Variants in IKZF3 observed in about 807,000 individuals in gnomAD.
IKZF3 encodes IKAROS family zinc finger 3, also known as zinc finger protein Aiolos.
A neutral mutation model predicts 49.0 loss-of-function variants in IKZF3; 10 were observed. The ratio of observed to expected loss-of-function variants is 0.20; its 90% CI spans 0.13 to 0.35. The LOEUF (loss-of-function observed/expected upper bound fraction) is 0.35. Ranked by LOEUF, IKZF3 falls within the 10% of genes least tolerant of loss-of-function variation. IKZF3 has a pLI of 1.00. For synonymous variants in IKZF3, 209 were observed against 228.2 expected, an observed-to-expected ratio of 0.92 and a Z score of 0.76; for missense variants, 498 against 664.8, an observed-to-expected ratio of 0.75 and a Z score of 2.76.
intron 1 of IKZF3, among the ~76,000 whole-genome samples, chr17:39,837,266 G>A (rs2062317676): frequency 6.6e-6 from 1 of 151,926 alleles, no homozygotes; most frequent in South Asian, 2.1e-4. Flanking sequence ...AAAGATTTGA[G>A]TTCTGATCTG....
intron 5 of IKZF3, among the ~76,000 whole-genome samples, chr17:39,788,807 C>G (rs1421307370): frequency 6.6e-6 from 1 of 152,184 alleles, no homozygotes; most frequent in Non-Finnish European, 1.5e-5. Context: ...TGGGAGTTAG[C>G]CATTCGGCTA....
At chr17:39,836,654 C>A (rs969225713) in intron 1 of IKZF3, among the ~76,000 whole-genome samples, 1 of 152,102 alleles carries the variant, frequency 6.6e-6, no homozygotes, top group African/African-American at 2.4e-5. Context: ...TTGTCTATTT[C>A]TCTCTGTTCT....
intron 3 of IKZF3, among the ~76,000 whole-genome samples, chr17:39,820,564 A>G (rs1403384126): frequency 6.6e-6 from 1 of 152,200 alleles, no homozygotes; most frequent in Non-Finnish European, 1.5e-5. Context: ...CAAGCACAGA[A>G]CTTCTAAGCC....
intron 1 of IKZF3, among the ~76,000 whole-genome samples, chr17:39,861,309 G>T (rs571924369): frequency 2.0e-5 from 3 of 152,300 alleles, no homozygotes; most frequent in South Asian, 4.1e-4. Flanking sequence ...CTGGGTAGGG[G>T]TGATCACCAG....
intron 1 of IKZF3, among the ~76,000 whole-genome samples, chr17:39,845,421 G>A (rs540471595): frequency 3.9e-5 from 6 of 151,944 alleles, no homozygotes; most frequent in African/African-American, 1.2e-4. Context: ...CTACTCAGGA[G>A]GGGGAGGCAG....
At chr17:39,854,251 C>T (rs974605664) in intron 1 of IKZF3, among the ~76,000 whole-genome samples, 4 of 151,262 alleles carry the variant, frequency 2.6e-5, no homozygotes, top group East Asian at 1.9e-4. Context: ...GGTAGATAGA[C>T]GTATTTGTAG....
chr17:39,815,383 A>G (rs112412105), intron 3 of IKZF3, among the ~76,000 whole-genome samples: 3,640 of 152,336 alleles, frequency 0.024, 62 homozygotes, highest in Non-Finnish European at 0.037. Context: ...ACATTCCACC[A>G]TCTCGAGTCT....
At chr17:39,823,854 C>T (rs968823820) in intron 3 of IKZF3, among the ~76,000 whole-genome samples, 15 of 152,216 alleles carry the variant, frequency 9.9e-5, no homozygotes, top group South Asian at 4.1e-4. Context: ...GACAGAAGTT[C>T]GCTACAGGGG....
intron 3 of IKZF3, among the ~76,000 whole-genome samples, chr17:39,823,819 G>A (rs993749420): frequency 2.0e-5 from 3 of 152,338 alleles, no homozygotes; most frequent in African/African-American, 7.2e-5. Context: ...GATTTCAGAG[G>A]ATGTATGAAA....
intron 3 of IKZF3, among the ~76,000 whole-genome samples, chr17:39,803,028 C>G (rs922257772): frequency 6.4e-4 from 98 of 152,188 alleles, no homozygotes; most frequent in African/African-American, 2.1e-3. Context: ...AATTTCAGTG[C>G]AATTCTTTGC....
rs187084990 is a variant in IKZF3, at chr17:39,760,197, T to G, written c.*5593A>C. Reference sequence around the variant, plus strand: ...TTTGAGATGGAGTCTCACTCTGTTGTCCAGGCTGGATTGCAATGGCGCGAT... The same window carrying G: ...TTTGAGATGGAGTCTCACTCTGTTGGCCAGGCTGGATTGCAATGGCGCGAT... On this transcript the variant is annotated 3_prime_UTR_variant, in exon 8 of 8. Coordinates refer to ENST00000346872, the MANE Select transcript of IKZF3 (RefSeq NM_012481.5). 6.7e-6 allele frequency: 1 copy of G among 150,212 alleles called. No homozygotes were observed. Among genetic ancestry groups the G allele is most frequent in the African/African-American group, 2.5e-5 (1 of 40,788 alleles). 9.3% of individuals were successfully genotyped at this position (150,212 alleles called of 1,614,324 possible).
chr17:39,779,652 T>G (rs1409499316), intron 6 of IKZF3, among the ~76,000 whole-genome samples: 22 of 144,776 alleles, frequency 1.5e-4, no homozygotes, highest in African/African-American at 4.4e-4. Flanking sequence ...CTTTGTTTTT[T>G]GTTTTTTTTT....
At position 39,864,217 on chromosome 17, in the gene IKZF3, G is replaced by A. The variant is rs116467677; in HGVS notation, c.-91C>T. On this transcript the variant is annotated 5_prime_UTR_variant, in exon 1 of 8. Transcript: ENST00000346872. ...CGCCTGGACTCAGCGCGCAGCTGGC[G>A]GGAGATTCCCGGCGCGGGGAGTCCC... 9.1e-4 allele frequency: 1,347 copies of A among 1,473,588 alleles called. 9 individuals carry two copies. In the African/African-American group the frequency reaches 0.018, roughly 19 times the overall value. The allele number at this position is 1,473,588 out of a possible 1,614,324, so 91.3% of individuals were successfully genotyped here.
chr17:39,846,008 T>C (rs1456229021), intron 1 of IKZF3, among the ~76,000 whole-genome samples: 1 of 152,186 alleles, frequency 6.6e-6, no homozygotes, highest in Admixed American at 6.5e-5. Context: ...TTGGGTATCA[T>C]TAGATAAAAC....
intron 1 of IKZF3, among the ~76,000 whole-genome samples, chr17:39,852,906 G>A (rs1263572198): frequency 6.6e-6 from 1 of 152,168 alleles, no homozygotes; most frequent in Admixed American, 6.5e-5. Context: ...CAGAGGCAGA[G>A]GTTGCAGTGA....
intron 1 of IKZF3, among the ~76,000 whole-genome samples, chr17:39,860,210 C>T (rs1377562): frequency 0.027 from 4,055 of 151,482 alleles, 190 homozygotes; most frequent in African/African-American, 0.093. Flanking sequence ...TTGTGGTAGC[C>T]TGGGCAACAG....
At chr17:39,775,520 A>G (rs1036383380) in intron 7 of IKZF3, among the ~76,000 whole-genome samples, 1 of 152,220 alleles carries the variant, frequency 6.6e-6, no homozygotes, top group Non-Finnish European at 1.5e-5. Context: ...CTTTTATTAT[A>G]TTAAGTAGGG....
chr17:39,861,077 A>G (rs953143862), intron 1 of IKZF3, among the ~76,000 whole-genome samples: 2 of 152,202 alleles, frequency 1.3e-5, no homozygotes, highest in African/African-American at 4.8e-5. Flanking sequence ...GTACTTTTTC[A>G]GCACTATTTT....
intron 3 of IKZF3, among the ~76,000 whole-genome samples, chr17:39,809,892 T>C (rs2061511197): frequency 6.6e-6 from 1 of 152,238 alleles, no homozygotes; most frequent in African/African-American, 2.4e-5. Context: ...GAACCAAAAT[T>C]GTTTATGTTG....
Sources: gnomAD v4.1 joint callset for allele counts (sites outside exome capture counted in the v4.1 genomes callset) on GRCh38, gnomAD v4.1.1 for gene constraint, MANE v1.5 for transcripts, NCBI Gene and HGNC (gene_info 2026-07-23, HGNC 2026-07-21) for gene names.